Variants in MARCHF11 observed in about 807,000 individuals in gnomAD.
MARCHF11 encodes E3 ubiquitin-protein ligase MARCHF11.
Under a neutral mutation model 37.3 loss-of-function variants are expected in MARCHF11, and 29 were observed. That is an observed-to-expected ratio of 0.78 (90% CI 0.58 to 1.06). The LOEUF (loss-of-function observed/expected upper bound fraction) is 1.06. MARCHF11 is among the 50% of genes least tolerant of loss of function. MARCHF11 has a pLI of 0.00. For synonymous variants in MARCHF11, 233 were observed against 228.0 expected (o/e 1.02, Z -0.20); for missense variants, 482 against 533.4 (o/e 0.90, Z 0.95).
At chr5:16,126,519 T>C (rs1216228637) in intron 2 of MARCHF11, among the ~76,000 whole-genome samples, 1 of 152,230 alleles carries the variant, frequency 6.6e-6, no homozygotes, top group African/African-American at 2.4e-5. Flanking sequence ...ATACTTCTCA[T>C]TGTTATAACA....
At chr5:16,130,075 T>A (rs1012285461) in intron 2 of MARCHF11, among the ~76,000 whole-genome samples, 1 of 152,150 alleles carries the variant, frequency 6.6e-6, no homozygotes, top group African/African-American at 2.4e-5. Flanking sequence ...AAATGAGAGA[T>A]AATTATTTAT....
At chr5:16,120,526 C>T (rs1737293013) in intron 2 of MARCHF11, among the ~76,000 whole-genome samples, 1 of 152,264 alleles carries the variant, frequency 6.6e-6, no homozygotes, top group Non-Finnish European at 1.5e-5. Flanking sequence ...GGCTTTCCAA[C>T]TTATATTTAC....
rs1736483786 is a variant in MARCHF11 at position 16,074,496 on chromosome 5, A to G, written c.887-6703T>C. Among the ~76,000 whole-genome samples, 4 of 152,242 alleles carry G rather than the reference A, an allele frequency of 2.6e-5. No homozygotes were observed. The South Asian group carries it at 8.3e-4, about 32-fold the overall frequency. ...AAAAGATAAATAACATTGATAGACC[A>G]TTAGCGAGATTAACCAAGACATGTT... On this transcript the variant is annotated intron_variant, in intron 3 of 3. Transcript: ENST00000332432.
At chr5:16,158,275 A>C (rs937156969) in intron 2 of MARCHF11, among the ~76,000 whole-genome samples, 3 of 151,928 alleles carry the variant, frequency 2.0e-5, no homozygotes, top group Admixed American at 6.6e-5. Flanking sequence ...TGGTTACCCC[A>C]AAAATTAAAA....
At chr5:16,121,351 C>T (rs1286477527) in intron 2 of MARCHF11, among the ~76,000 whole-genome samples, 1 of 152,208 alleles carries the variant, frequency 6.6e-6, no homozygotes. Flanking sequence ...CTGTAAGTCT[C>T]ATGAGAGCCA....
chr5:16,137,653 G>A (rs927536447), intron 2 of MARCHF11, among the ~76,000 whole-genome samples: 1 of 152,236 alleles, frequency 6.6e-6, no homozygotes. Flanking sequence ...AAGAAGACGG[G>A]ATGATGTGAG....
chr5:16,113,693 C>A (rs994135611), intron 2 of MARCHF11, among the ~76,000 whole-genome samples: 12 of 152,124 alleles, frequency 7.9e-5, no homozygotes, highest in African/African-American at 2.4e-4. Context: ...ATATATGGGG[C>A]ATGTATTTTG....
At chr5:16,124,544 C>T (rs1360838596) in intron 2 of MARCHF11, among the ~76,000 whole-genome samples, 1 of 152,112 alleles carries the variant, frequency 6.6e-6, no homozygotes, top group Non-Finnish European at 1.5e-5. Context: ...CAGGAGAAGA[C>T]AGAACCATCA....
chr5:16,081,199 C>T (rs1736602081), intron 3 of MARCHF11, among the ~76,000 whole-genome samples: 2 of 152,298 alleles, frequency 1.3e-5, no homozygotes, highest in South Asian at 2.1e-4. Context: ...GCTATAATTG[C>T]TTATTTCCCT....
chr5:16,067,433 G>A lies in MARCHF11; in HGVS notation c.*38C>T. The A allele has an allele frequency of 6.4e-7, 1 of 1,566,926 alleles. No individual in the cohort carries two copies. On this transcript the variant is annotated 3_prime_UTR_variant, in exon 4 of 4. Transcript: ENST00000332432. ...ATTCACTGCAATTACATTGCAAAAT[G>A]TGCAGGGTGGTCCACACTGCATCAT...
At chr5:16,135,679 T>A (rs909120642) in intron 2 of MARCHF11, among the ~76,000 whole-genome samples, 2 of 152,136 alleles carry the variant, frequency 1.3e-5, no homozygotes, top group African/African-American at 4.8e-5. Flanking sequence ...CAATGCCAGA[T>A]GGTCTCCAGG....
chr5:16,123,441 C>T (rs1459406246), intron 2 of MARCHF11, among the ~76,000 whole-genome samples: 3 of 152,154 alleles, frequency 2.0e-5, no homozygotes, highest in African/African-American at 7.2e-5. Context: ...GACACCTTGA[C>T]CTCTGATTTC....
At chr5:16,130,351 C>G in intron 2 of MARCHF11, among the ~76,000 whole-genome samples, 1 of 151,960 alleles carries the variant, frequency 6.6e-6, no homozygotes, top group South Asian at 2.1e-4. Flanking sequence ...ATGAGCACTT[C>G]GATAAGATTC....
Position 16,179,078 on chromosome 5 carries a change from GTGGTGC to G in MARCHF11, c.492_497del (p.Gln164_His165del). Reference sequence around the variant, plus strand: ...GGAAGCAGATCTTGCAGATGGGCTGGTGGTGCTGGTGCTGGTGCCCAGCGCGCTGGT... The same window carrying G: ...GGAAGCAGATCTTGCAGATGGGCTGGTGGTGCTGGTGCCCAGCGCGCTGGT... On this transcript the variant is annotated inframe_deletion, in exon 1 of 4. Coordinates refer to ENST00000332432, the MANE Select transcript of MARCHF11 (RefSeq NM_001102562.3). The G allele has an allele frequency of 8.7e-6, 13 of 1,496,048 alleles. No individual in the cohort carries two copies. Among genetic ancestry groups the G allele is most frequent in the South Asian group, 1.2e-5 (1 of 81,568 alleles). The allele number at this position is 1,496,048 out of a possible 1,614,324, so 92.7% of individuals were successfully genotyped here.
intron 3 of MARCHF11, among the ~76,000 whole-genome samples, chr5:16,076,317 G>A (rs1736517395): frequency 2.6e-5 from 4 of 152,024 alleles, no homozygotes; most frequent in Admixed American, 2.6e-4. Flanking sequence ...TGGATTAACA[G>A]AATTCACAGG....
chr5:16,082,802 T>C (rs551828477), intron 3 of MARCHF11, among the ~76,000 whole-genome samples: 3 of 152,220 alleles, frequency 2.0e-5, no homozygotes, highest in Non-Finnish European at 4.4e-5. Context: ...CCATGATTTA[T>C]GCAGACACAT....
intron 3 of MARCHF11, among the ~76,000 whole-genome samples, chr5:16,085,905 A>G (rs1286627848): frequency 7.8e-6 from 1 of 128,576 alleles, no homozygotes; most frequent in Non-Finnish European, 1.6e-5. Flanking sequence ...GTGCCACTGC[A>G]CTCTGGCCTG....
chr5:16,152,091 C>G (rs759251545), intron 2 of MARCHF11, among the ~76,000 whole-genome samples: 2 of 151,842 alleles, frequency 1.3e-5, no homozygotes, highest in African/African-American at 4.8e-5. Flanking sequence ...TCATTAAGAA[C>G]GAAAAGGTTT....
chr5:16,142,765 CA>C (rs1737733055), intron 2 of MARCHF11, among the ~76,000 whole-genome samples: 1 of 143,044 alleles, frequency 7.0e-6, no homozygotes, highest in Admixed American at 7.4e-5. Flanking sequence ...GATCTCGGCT[CA>C]CCGCAACCTC....
Sources: gnomAD v4.1 joint callset for allele counts (sites outside exome capture counted in the v4.1 genomes callset) on GRCh38, gnomAD v4.1.1 for gene constraint, MANE v1.5 for transcripts, NCBI Gene and HGNC (gene_info 2026-07-23, HGNC 2026-07-21) for gene names.